ERAP1: variants seen among roughly 807,000 people sequenced by gnomAD.
ERAP1 encodes the protein endoplasmic reticulum aminopeptidase 1, also known as adipocyte-derived leucine aminopeptidase.
ERAP1 carries 86 observed loss-of-function variants against 103.7 expected under a neutral mutation model. The ratio of observed to expected loss-of-function variants is 0.83; its 90% CI spans 0.70 to 0.99. ERAP1 has a LOEUF of 0.99. Ranked by LOEUF, ERAP1 falls within the 50% of genes least tolerant of loss-of-function variation. The probability of loss-of-function intolerance (pLI) is 0.00; values close to 1 mark genes in which losing one functional copy is unlikely to be tolerated. For missense variants in ERAP1, 1,009 were observed against 1,128.4 expected (o/e 0.89, Z 1.52); for synonymous variants, 398 against 402.4 (o/e 0.99, Z 0.13).
At position 96,780,424 on chromosome 5, in the gene ERAP1, T is replaced by A; in HGVS notation, c.2669A>T (p.Glu890Val). The change falls in exon 18 of 19, where the codon GAG (glutamate) becomes GTG (valine). Residue 890 changes from glutamate (E) to valine (V), a missense_variant and splice_region_variant. By Grantham distance (121) the Glu-to-Val change is moderately radical (BLOSUM62 -2). Coordinates refer to ENST00000443439, the MANE Select transcript of ERAP1 (RefSeq NM_001040458.3). ...TATATATAGATTTTTTTTTTTTACC[T>A]CTTCAAGCCGTGTTCTTGTGGAGAA... ...NQFSTRTRLE[E>V]VKGFFSSLKE... The A allele has an allele frequency of 6.3e-7, 1 of 1,590,692 alleles. No individual in the cohort carries two copies. Among genetic ancestry groups the A allele is most frequent in the Non-Finnish European group, 8.6e-7 (1 of 1,169,550 alleles).
the ERAP1 span, among the ~76,000 whole-genome samples, chr5:96,856,349 A>AATATATATATATATATATATATAT: frequency 1.2e-4 from 1 of 8,538 alleles, no homozygotes; most frequent in African/African-American, 3.6e-4. Flanking sequence ...AAAAAAAAAA[A>AATATATATATATATATATATATAT]ATATATATAT....
At chr5:96,918,197 C>T in the ERAP1 span, 1 of 152,350 alleles carries the variant, frequency 6.6e-6, no homozygotes, top group Non-Finnish European at 1.5e-5. Flanking sequence ...TGTGGAGATA[C>T]AGACATAGAT....
the ERAP1 span, chr5:96,879,691 C>T: frequency 6.2e-7 from 1 of 1,612,594 alleles, no homozygotes; most frequent in African/African-American, 1.3e-5. Context: ...ATTTCATGTT[C>T]CATTCTTCTG....
chr5:96,930,236 A>G, the ERAP1 span, among the ~76,000 whole-genome samples: 1 of 152,158 alleles, frequency 6.6e-6, no homozygotes, highest in African/African-American at 2.4e-5. Flanking sequence ...AGATCACCAC[A>G]TGGAGTGGTT....
At chr5:96,880,601 C>T in the ERAP1 span, among the ~76,000 whole-genome samples, 1 of 152,218 alleles carries the variant, frequency 6.6e-6, no homozygotes, top group East Asian at 1.9e-4. Flanking sequence ...CATCTGGGAC[C>T]AGAAGGAAAT....
At chr5:96,879,332 G>A in the ERAP1 span, among the ~76,000 whole-genome samples, 1 of 152,208 alleles carries the variant, frequency 6.6e-6, no homozygotes, top group Non-Finnish European at 1.5e-5. Flanking sequence ...GAATTCAGAA[G>A]AAATTCATTA....
the ERAP1 span, chr5:96,912,792 T>C: frequency 1.1e-3 from 1,746 of 1,595,570 alleles, 23 homozygotes; most frequent in Admixed American, 0.017. Context: ...CAGGAAAAGT[T>C]ACTGAAGTAA....
rs754227333 is a variant in ERAP1 at position 96,803,860 on chromosome 5, G to C, written c.67C>G (p.Leu23Val). ...MSFLLSSLLA[L>V]LTVSTPSWCQ... Reference sequence around the variant, plus strand: ...CATGAAGGAGTGGACACAGTTAAGAGAGCCAACAGTGAGGAAAGTAGAAAT... The same window carrying C: ...CATGAAGGAGTGGACACAGTTAAGACAGCCAACAGTGAGGAAAGTAGAAAT... The change falls in exon 2 of 19, where the codon CTC (leucine) becomes GTC (valine). Residue 23 changes from leucine (L) to valine (V), a missense_variant. Leu to Val is a conservative substitution (Grantham distance 32). Coordinates refer to ENST00000443439, the MANE Select transcript of ERAP1 (RefSeq NM_001040458.3). The C allele has an allele frequency of 1.2e-6, 2 of 1,613,764 alleles. No individual in the cohort carries two copies. The highest frequency in any genetic ancestry group is 3.3e-5 in the Admixed American group (2 of 60,032).
chr5:96,762,576 A>C (rs1183229798), exon 20 of ERAP1: 3 of 477,070 alleles, frequency 6.3e-6, no homozygotes, highest in African/African-American at 6.0e-5. Flanking sequence ...TATATATGTG[A>C]AAACATTGTA....
At chr5:96,934,969 C>T in the ERAP1 span, 1 of 152,426 alleles carries the variant, frequency 6.6e-6, no homozygotes, top group East Asian at 1.9e-4. Context: ...CGACGAGCCT[C>T]CTCGGGGCTT....
chr5:96,800,801 G>C, intron 3 of ERAP1, 61 bp downstream of exon 3: 14 of 1,582,210 alleles, frequency 8.8e-6, no homozygotes, highest in Non-Finnish European at 1.2e-5. Context: ...CACTGGGCTA[G>C]TGCAAGTCAC....
At chr5:96,871,800 G>T in the ERAP1 span, among the ~76,000 whole-genome samples, 1 of 152,130 alleles carries the variant, frequency 6.6e-6, no homozygotes, top group Non-Finnish European at 1.5e-5. Context: ...GTGCTTTGTG[G>T]AAGGCATTGC....
At chr5:96,772,521 A>G (rs879338750), downstream of ERAP1, 2 of 152,752 alleles carry the variant, frequency 1.3e-5, no homozygotes, top group African/African-American at 2.4e-5. Context: ...ATGTTTACTT[A>G]TAGGAAATTC....
the ERAP1 span, chr5:96,909,198 A>C: frequency 7.1e-7 from 1 of 1,399,632 alleles, no homozygotes; most frequent in South Asian, 1.2e-5. Flanking sequence ...TTTTGTGTGA[A>C]GTCCTTGAGG....
At chr5:96,929,199 A>T in the ERAP1 span, among the ~76,000 whole-genome samples, 1 of 152,116 alleles carries the variant, frequency 6.6e-6, no homozygotes, top group Admixed American at 6.5e-5. Context: ...AGTGTACTTT[A>T]CTTCCTTTCA....
chr5:96,771,255 T>A (rs1772204580), downstream of ERAP1, among the ~76,000 whole-genome samples: 1 of 152,188 alleles, frequency 6.6e-6, no homozygotes, highest in South Asian at 2.1e-4. Flanking sequence ...ATCAGCCCTT[T>A]AACAAATAAT....
intron 11 of ERAP1, among the ~76,000 whole-genome samples, chr5:96,787,135 G>C (rs1327088307): frequency 6.6e-6 from 1 of 152,140 alleles, no homozygotes; most frequent in Non-Finnish European, 1.5e-5. Context: ...TTTCTATTTT[G>C]CTATAAGGAT....
the ERAP1 span, among the ~76,000 whole-genome samples, chr5:96,818,113 C>A: frequency 6.6e-6 from 1 of 152,106 alleles, no homozygotes; most frequent in Non-Finnish European, 1.5e-5. Flanking sequence ...AGGTACCAAT[C>A]GTAGATTTAG....
upstream of ERAP1, among the ~76,000 whole-genome samples, chr5:96,810,201 C>T (rs1049390213): frequency 2.0e-5 from 3 of 152,208 alleles, no homozygotes; most frequent in African/African-American, 7.2e-5. Context: ...TGGCAGCATT[C>T]ACTTCTAGTT....
Sources: gnomAD v4.1 joint callset for allele counts (sites outside exome capture counted in the v4.1 genomes callset) on GRCh38, gnomAD v4.1.1 for gene constraint, MANE v1.5 for transcripts, NCBI Gene and HGNC (gene_info 2026-07-23, HGNC 2026-07-21) for gene names.